The following STXBP2 variants were observed in gnomAD, a reference collection of about 807,000 sequenced individuals.
STXBP2 encodes the protein syntaxin binding protein 2, also known as syntaxin-binding protein 2.
STXBP2 carries 47 observed loss-of-function variants against 72.2 expected under a neutral mutation model. That is an observed-to-expected ratio of 0.65 (90% CI 0.51 to 0.83). The LOEUF (loss-of-function observed/expected upper bound fraction) is 0.83, where lower values mean the gene tolerates loss of function less well. Ranked by LOEUF, STXBP2 falls within the 40% of genes least tolerant of loss-of-function variation. STXBP2 has a pLI of 0.00. For synonymous variants in STXBP2, 367 were observed against 338.7 expected (o/e 1.08, Z -0.92); for missense variants, 702 against 807.6 (o/e 0.87, Z 1.58).
chr19:7,640,474 G>A (rs1366296134), intron 4 of STXBP2: 4 of 682,490 alleles, frequency 5.9e-6, no homozygotes, highest in Non-Finnish European at 1.1e-5. Flanking sequence ...ATCTCTGTGT[G>A]TGCATGTGTG....
chr19:7,632,440 G>A (rs555604825), upstream of STXBP2: 51 of 1,613,930 alleles, frequency 3.2e-5, no homozygotes, highest in East Asian at 1.1e-4. This position sits in a 1 kb window ranked among gnomAD's most constrained non-coding sequence, Gnocchi z 5.2. Flanking sequence ...ACTGTCACAC[G>A]TTGGTCATCC....
At position 7,644,514 on chromosome 19, in the gene STXBP2, T is replaced by C. The variant is rs531738340; in HGVS notation, c.1108-100T>C. On this transcript the variant is annotated intron_variant, in intron 13 of 18. Coordinates refer to ENST00000221283, the MANE Select transcript of STXBP2 (RefSeq NM_006949.4). ...GTGCTGAGATGAGGTAGGACCCAAA[T>C]GTCCTCTTGCCGAGGATCCTGGGGA... The C allele has an allele frequency of 8.5e-6, 13 of 1,529,854 alleles. No homozygotes were observed. In the Admixed American group the frequency reaches 1.8e-4, roughly 21 times the overall value. The allele number at this position is 1,529,854 out of a possible 1,614,324, so 94.8% of individuals were successfully genotyped here.
rs794073 is a variant in STXBP2, at chr19:7,647,699, T to A, written c.1697-26T>A. ...GACGAAGGCAGCGCCCCCCAACATCTTCCCCAAACCTCTGCCCCTGCACAG... is the reference window on the plus strand; with the variant it reads ...GACGAAGGCAGCGCCCCCCAACATCATCCCCAAACCTCTGCCCCTGCACAG... On this transcript the variant is annotated intron_variant, in intron 18 of 18. Coordinates refer to ENST00000221283, the MANE Select transcript of STXBP2 (RefSeq NM_006949.4). The A allele has an allele frequency of 5.3e-4, 859 of 1,613,116 alleles. 3 individuals are homozygous for A. The African/African-American group carries it at 9.5e-3, about 18-fold the overall frequency.
chr19:7,640,009 TGTCTGTGTGCATGTGCATGTGTGTGC>T (rs2031742447), intron 4 of STXBP2: 4 of 685,744 alleles, frequency 5.8e-6, no homozygotes, highest in Non-Finnish European at 1.0e-5. Context: ...TCTATGTATG[TGTCTGTGTGCATGTGCATGTGTGTGC>T]GTCTGTGTGT....
rs919665109 is a variant in STXBP2 at position 7,640,025 on chromosome 19, C to T, written c.246+218C>T. ...CTATGTATGTGTCTGTGTGCATGTG[C>T]ATGTGTGTGCGTCTGTGTGTGCATT... On this transcript the variant is annotated intron_variant, in intron 4 of 18. Coordinates refer to ENST00000221283, the MANE Select transcript of STXBP2 (RefSeq NM_006949.4). 6.1e-6 allele frequency: 4 copies of T among 652,526 alleles called. No individual in the cohort carries two copies. In the East Asian group the frequency reaches 9.1e-5, roughly 15 times the overall value. 40.4% of individuals were successfully genotyped at this position (652,526 alleles called of 1,614,324 possible).
At position 7,640,293 on chromosome 19, in the gene STXBP2, T is replaced by C. The variant is rs1366926281; in HGVS notation, c.247-438T>C. ...GTATATGTATGTGCATCTGTGTGCA[T>C]GTGTCTATGTATGTGTGTGCATCTG... On this transcript the variant is annotated intron_variant, in intron 4 of 18. Coordinates refer to ENST00000221283, the MANE Select transcript of STXBP2 (RefSeq NM_006949.4). 6 of 560,372 alleles carry C rather than the reference T, an allele frequency of 1.1e-5. 1 individual carries two copies. The highest frequency in any genetic ancestry group is 9.2e-5 in the South Asian group (6 of 65,260). 34.7% of individuals were successfully genotyped at this position (560,372 alleles called of 1,614,324 possible). A position where few individuals can be genotyped will look rare whatever the true frequency, so the allele number is the denominator to read the frequency against.
rs1271161235 is a variant in STXBP2, at chr19:7,642,839, G to A, written c.960+16G>A. 1.9e-6 allele frequency: 3 copies of A among 1,614,106 alleles called. No individual in the cohort carries two copies. The South Asian group carries it at 3.3e-5, about 18-fold the overall frequency. The stretch of plus-strand genomic sequence containing the variant: ...CACGGACAAGGTAGGGGCGGACCCA[G>A]GTCACCAAAGGCGCTGGTGGAAGGA... On this transcript the variant is annotated intron_variant, in intron 11 of 18. Coordinates refer to ENST00000221283, the MANE Select transcript of STXBP2 (RefSeq NM_006949.4). The surrounding 1 kb of genome is among the most constrained non-coding windows in gnomAD (Gnocchi z 6.0).
chr19:7,638,869 T>A, intron 2 of STXBP2, 94 bp downstream of exon 2: 2 of 1,587,554 alleles, frequency 1.3e-6, no homozygotes, highest in Admixed American at 3.4e-5. Context: ...GAACTGCCTG[T>A]CCACATGGGT....
At chr19:7,641,064 C>T in intron 6 of STXBP2, 61 bp downstream of exon 6, 1 of 1,558,864 alleles carries the variant, frequency 6.4e-7, no homozygotes, top group Non-Finnish European at 8.8e-7. Context: ...TCCCCTGTTC[C>T]CTCAGAAACA....
the STXBP2 span, chr19:7,631,849 G>T: frequency 7.3e-7 from 1 of 1,379,020 alleles, no homozygotes; most frequent in Non-Finnish European, 9.4e-7. Context: ...GGGCTCAAGG[G>T]CAGTGCCGGC....
Position 7,642,340 on chromosome 19 carries a change from A to C in STXBP2, c.794+7A>C, listed in dbSNP as rs1568467780. 6.2e-7 allele frequency: 1 copy of C among 1,613,730 alleles called. No homozygotes were observed. On this transcript the variant is annotated splice_region_variant and intron_variant, in intron 9 of 18. Transcript: ENST00000221283. This position sits in a 1 kb window ranked among gnomAD's most constrained non-coding sequence, Gnocchi z 6.0. The stretch of plus-strand genomic sequence containing the variant: ...TAGAGCAGGACACATACAGGTCTGC[A>C]GACTTGGAACCCGTCCCCACCCTTG...
At chr19:7,630,008 T>G in the STXBP2 span, 3 of 940,326 alleles carry the variant, frequency 3.2e-6, no homozygotes, top group Non-Finnish European at 4.3e-6. Context: ...TGGTTGGAAA[T>G]CCAGGAGAGG....
chr19:7,641,899 C>T (rs2031898846), intron 7 of STXBP2, 46 bp downstream of exon 7: 2 of 1,234,650 alleles, frequency 1.6e-6, no homozygotes, highest in Non-Finnish European at 2.2e-6. Context: ...CCCCCCTTAA[C>T]CGCGTGCAAC....
chr19:7,643,877 C>G (rs1025319824), intron 13 of STXBP2, among the ~76,000 whole-genome samples: 2 of 144,900 alleles, frequency 1.4e-5, no homozygotes, highest in Admixed American at 1.4e-4. Flanking sequence ...AGGGGCGGAG[C>G]CTTGGAGAGG....
intron 4 of STXBP2, chr19:7,640,145 T>A (rs547679337): frequency 5.3e-6 from 3 of 564,524 alleles, no homozygotes; most frequent in Admixed American, 2.3e-5. Flanking sequence ...TGTGTGTGCA[T>A]CTGTGTGCAT....
Position 7,643,155 on chromosome 19 carries a change from C to T in STXBP2, c.1027-10C>T, listed in dbSNP as rs201961771. ...TTGTTATCCCCCAACCCCCACCCTG[C>T]ACCCTGCAGTATTCTACGCACCTGC... On this transcript the variant is annotated splice_polypyrimidine_tract_variant and intron_variant, in intron 12 of 18. Transcript: ENST00000221283. 1.4e-4 allele frequency: 221 copies of T among 1,614,058 alleles called. No individual in the cohort carries two copies. Among genetic ancestry groups the T allele is most frequent in the Admixed American group, 3.3e-5 (2 of 59,998 alleles).
Position 7,641,693 on chromosome 19 carries a change from C to T in STXBP2, c.430-12C>T, listed in dbSNP as rs1050331269. On this transcript the variant is annotated splice_polypyrimidine_tract_variant and intron_variant, in intron 6 of 18. Transcript: ENST00000221283. Reference sequence around the variant, plus strand: ...GCGGCAACCCTGGTGCTTCTGTCCCCTCCTCGCCCAGGTGTTCTCCCTCGA... The same window carrying T: ...GCGGCAACCCTGGTGCTTCTGTCCCTTCCTCGCCCAGGTGTTCTCCCTCGA... 5 of 1,551,770 alleles carry T rather than the reference C, an allele frequency of 3.2e-6. No individual in the cohort carries two copies. In the African/African-American group the frequency reaches 4.1e-5, roughly 13 times the overall value.
At chr19:7,640,500 C>A (rs943432802) in intron 4 of STXBP2, 1 of 588,464 alleles carries the variant, frequency 1.7e-6, no homozygotes, top group Admixed American at 2.3e-5. Flanking sequence ...GTGTGTGCAT[C>A]TGTGTGTGTG....
At chr19:7,645,331 G>A (rs1352550701) in intron 15 of STXBP2, 25 bp downstream of exon 15, 1 of 1,554,314 alleles carries the variant, frequency 6.4e-7, no homozygotes, top group South Asian at 1.2e-5. Flanking sequence ...GGCATGGGGG[G>A]ACCCTGGGAG....
Sources: gnomAD v4.1 joint callset for allele counts (sites outside exome capture counted in the v4.1 genomes callset) on GRCh38, gnomAD v4.1.1 for gene constraint, Gnocchi (gnomAD v3.1) non-coding constraint, MANE v1.5 for transcripts, NCBI Gene and HGNC (gene_info 2026-07-23, HGNC 2026-07-21) for gene names.